The following NAV2 variants were observed in gnomAD, a reference collection of about 807,000 sequenced individuals.
NAV2 encodes neuron navigator 2.
A neutral mutation model predicts 223.2 loss-of-function variants in NAV2; 54 were observed. That is an observed-to-expected ratio of 0.24 (90% CI 0.19 to 0.30). NAV2 has a LOEUF of 0.30. Ranked by LOEUF, NAV2 falls within the 10% of genes least tolerant of loss-of-function variation. The pLI is 1.00. For missense variants in NAV2, 2,806 were observed against 3,147.5 expected, an observed-to-expected ratio of 0.89 and a Z score of 2.60; for synonymous variants, 1,279 against 1,239.3, an observed-to-expected ratio of 1.03 and a Z score of -0.67.
chr11:19,468,878 T>C (rs1413527368), intron 1 of NAV2, among the ~76,000 whole-genome samples: 7 of 152,148 alleles, frequency 4.6e-5, no homozygotes, highest in Non-Finnish European at 1.0e-4. Flanking sequence ...TTACATGAAA[T>C]ATAGATCAAA....
rs368167918 is a variant in NAV2, at chr11:19,956,972, C to T, written c.2645+7892C>T. ...CCCAGGTATGTTTGAAAGGGGTTTG[C>T]TATGAATAACAAAAGATGCTCCTCT... On this transcript the variant is annotated intron_variant, in intron 10 of 37. Transcript: ENST00000349880. Among the ~76,000 whole-genome samples the T allele has an allele frequency of 3.0e-4, 45 of 152,254 alleles. 2 individuals are homozygous for T. In the South Asian group the frequency reaches 8.5e-3, roughly 29 times the overall value.
intron 3 of NAV2, among the ~76,000 whole-genome samples, chr11:19,865,077 G>A (rs2062011021): frequency 6.6e-6 from 1 of 152,102 alleles, no homozygotes; most frequent in Non-Finnish European, 1.5e-5. Flanking sequence ...AGCTAATTTT[G>A]GAAAGTAGTT....
Position 20,051,343 on chromosome 11 carries a change from T to C in NAV2, c.4481+10T>C, listed in dbSNP as rs750869208. 5 of 1,613,556 alleles carry C rather than the reference T, an allele frequency of 3.1e-6. No individual in the cohort carries two copies. The East Asian group carries it at 1.1e-4, about 36-fold the overall frequency. Reference sequence around the variant, plus strand: ...CTAAGAAAGGACTCAGGTATCTGTGTTTCCTCCTTGCATCTGTGCCATCTG... The same window carrying C: ...CTAAGAAAGGACTCAGGTATCTGTGCTTCCTCCTTGCATCTGTGCCATCTG... On this transcript the variant is annotated intron_variant, in intron 17 of 37. Coordinates refer to ENST00000349880, the MANE Select transcript of NAV2 (RefSeq NM_145117.5).
At chr11:19,396,649 G>A (rs368597358) in intron 1 of NAV2, among the ~76,000 whole-genome samples, 1 of 152,154 alleles carries the variant, frequency 6.6e-6, no homozygotes, top group Non-Finnish European at 1.5e-5. Flanking sequence ...CCTGCTCTCT[G>A]CCAGTGCATC....
At chr11:19,433,812 C>T (rs1475124076) in intron 1 of NAV2, among the ~76,000 whole-genome samples, 1 of 152,356 alleles carries the variant, frequency 6.6e-6, no homozygotes, top group East Asian at 1.9e-4. Flanking sequence ...AAAGATCTCA[C>T]ATCCAATTGA....
chr11:19,812,605 A>G (rs991386533), intron 1 of NAV2, among the ~76,000 whole-genome samples: 1 of 152,188 alleles, frequency 6.6e-6, no homozygotes, highest in East Asian at 1.9e-4. Flanking sequence ...TATGAAGGAA[A>G]GACCTAAGAT....
At position 20,078,114 on chromosome 11, in the gene NAV2, G is replaced by A. The variant is rs867927506; in HGVS notation, c.5179+10G>A. Reference sequence around the variant, plus strand: ...GAGCTCAACTGCAAAGGTAAAGTAAGGGAAACAGCCTTTAGCCAGAAGACC... The same window carrying A: ...GAGCTCAACTGCAAAGGTAAAGTAAAGGAAACAGCCTTTAGCCAGAAGACC... On this transcript the variant is annotated intron_variant, in intron 24 of 37. Transcript: ENST00000349880. 2.6e-5 allele frequency: 41 copies of A among 1,602,644 alleles called. 4 individuals carry two copies. The Middle Eastern group carries it at 5.5e-3, about 214-fold the overall frequency.
intron 5 of NAV2, among the ~76,000 whole-genome samples, chr11:19,887,973 G>A (rs548069431): frequency 2.0e-5 from 3 of 150,222 alleles, no homozygotes; most frequent in South Asian, 2.1e-4. Context: ...CCATCAGCAC[G>A]TACATCGCGT....
At chr11:19,591,435 C>T (rs2046057772) in intron 1 of NAV2, 1 of 152,214 alleles carries the variant, frequency 6.6e-6, no homozygotes, top group South Asian at 2.1e-4. Context: ...TGTCTCTTCT[C>T]TACTTAGGAA....
intron 25 of NAV2, among the ~76,000 whole-genome samples, chr11:20,081,831 A>C (rs2060112197): frequency 6.6e-6 from 1 of 152,258 alleles, no homozygotes; most frequent in Non-Finnish European, 1.5e-5. Context: ...AAAGGAAATT[A>C]CTTTTAAAAG....
chr11:20,101,738 G>A (rs2061657509), intron 32 of NAV2, among the ~76,000 whole-genome samples: 1 of 152,182 alleles, frequency 6.6e-6, no homozygotes, highest in African/African-American at 2.4e-5. Flanking sequence ...CTAGAGCCCT[G>A]TGGCCAGCAA....
At chr11:19,908,722 C>T (rs2043075023) in intron 6 of NAV2, among the ~76,000 whole-genome samples, 1 of 152,182 alleles carries the variant, frequency 6.6e-6, no homozygotes, top group Non-Finnish European at 1.5e-5. Context: ...GCCAGTGAGT[C>T]TGCTGCTGAA....
intron 1 of NAV2, among the ~76,000 whole-genome samples, chr11:19,634,191 C>A (rs2047426508): frequency 6.6e-6 from 1 of 152,226 alleles, no homozygotes; most frequent in Non-Finnish European, 1.5e-5. Context: ...CACCACACTG[C>A]TCTCATACCC....
chr11:20,049,952 C>G (rs1469243865), intron 16 of NAV2, 51 bp downstream of exon 16: 2 of 1,563,544 alleles, frequency 1.3e-6, no homozygotes, highest in Admixed American at 3.3e-5. Flanking sequence ...TTCTTCTGCC[C>G]ATTCGTTGTC....
Position 20,083,045 on chromosome 11 carries a change from G to A in NAV2, c.5364G>A (p.Lys1788=). The A allele has an allele frequency of 6.2e-7, 1 of 1,614,080 alleles. No homozygotes were observed. Among genetic ancestry groups the A allele is most frequent in the Non-Finnish European group, 8.5e-7 (1 of 1,179,978 alleles). ...SSFKQAFGKK[K]SPKSASSHSD... is the part of the protein sequence containing the mutation. ...TCAAGCAAGCTTTCGGGAAGAAGAA[G>A]TCCCCAAAATCTGCGTCCTCTCATT... The change falls in exon 26 of 38, where the codon AAG becomes AAA. Residue 1788 remains lysine, a synonymous_variant. Transcript: ENST00000349880.
At chr11:19,586,764 C>A (rs1590614232) in intron 1 of NAV2, among the ~76,000 whole-genome samples, 1 of 152,196 alleles carries the variant, frequency 6.6e-6, no homozygotes, top group Admixed American at 6.5e-5. Flanking sequence ...GAGTACGCAG[C>A]CGTGTAAGGG....
chr11:19,489,621 T>G (rs772644878), intron 1 of NAV2, among the ~76,000 whole-genome samples: 3 of 152,246 alleles, frequency 2.0e-5, no homozygotes, highest in Non-Finnish European at 4.4e-5. Flanking sequence ...ACGGAGTTGG[T>G]GCTCAGCACA....
rs77483479 is a variant in NAV2, at chr11:20,085,580, G to A, written c.5498+2401G>A. On this transcript the variant is annotated intron_variant, in intron 26 of 37. Coordinates refer to ENST00000349880, the MANE Select transcript of NAV2 (RefSeq NM_145117.5). ...GGGGAGCCACTGGGTTAGTTTCAGC[G>A]GGTAACATTAGCTGCTGTAACAAAC... Among the ~76,000 whole-genome samples, 805 of 152,294 alleles carry A rather than the reference G, an allele frequency of 5.3e-3. 11 individuals are homozygous for A. Among genetic ancestry groups the A allele is most frequent in the African/African-American group, 0.018 (752 of 41,550 alleles).
intron 1 of NAV2, among the ~76,000 whole-genome samples, chr11:19,594,447 A>G (rs1229389602): frequency 6.7e-6 from 1 of 149,978 alleles, no homozygotes; most frequent in African/African-American, 2.5e-5. Context: ...TTTTTTTTAA[A>G]GAAGGGATTT....
Sources: allele counts gnomAD v4.1 joint callset (sites outside exome capture counted in the v4.1 genomes callset), GRCh38; gene constraint gnomAD v4.1.1; transcripts MANE v1.5; gene names NCBI Gene and HGNC (gene_info 2026-07-23, HGNC 2026-07-21).